FCMR: variants seen among roughly 807,000 people sequenced by gnomAD.
FCMR encodes the protein Fc mu receptor.
FCMR carries 34 observed loss-of-function variants against 41.6 expected under a neutral mutation model. That is an observed-to-expected ratio of 0.82 (90% confidence interval 0.62 to 1.09). The LOEUF (loss-of-function observed/expected upper bound fraction) is 1.09, where lower values mean the gene tolerates loss of function less well. Ranked by LOEUF, FCMR falls within the 50% of genes least tolerant of loss-of-function variation. FCMR has a pLI of 0.00. For synonymous variants in FCMR, 209 were observed against 211.8 expected (o/e 0.99, Z 0.12); for missense variants, 496 against 512.5 (o/e 0.97, Z 0.31).
intron 1 of FCMR, among the ~76,000 whole-genome samples, chr1:206,920,497 C>T (rs1446645867): frequency 2.0e-5 from 3 of 149,060 alleles, no homozygotes; most frequent in African/African-American, 7.4e-5. Flanking sequence ...AAGGGTGTTC[C>T]TGGCAGAAGG....
chr1:206,918,702 C>T (rs1200186899), intron 1 of FCMR, among the ~76,000 whole-genome samples: 5 of 149,228 alleles, frequency 3.4e-5, no homozygotes, highest in Non-Finnish European at 6.0e-5. Flanking sequence ...CATGCTGGGT[C>T]CCAGCATCAA....
chr1:206,910,238 C>A lies in FCMR; in HGVS notation c.813G>T (p.Val271=). ...GLFLLALLGL[V]VKRAVERRKA... ...TCCTCCTTTCAACGGCCCTTTTCAC[C>A]ACCAGCCCCAGAAGTGCCAGCAGGA... The change falls in exon 5 of 8, where the codon GTG becomes GTT. Residue 271 remains valine (V), a synonymous_variant. Coordinates refer to ENST00000367091, the MANE Select transcript of FCMR (RefSeq NM_005449.5). 1.2e-6 allele frequency: 2 copies of A among 1,601,948 alleles called. No individual in the cohort carries two copies. The highest frequency in any genetic ancestry group is 8.5e-7 in the Non-Finnish European group (1 of 1,175,072).
chr1:206,920,616 A>G (rs1679396674), intron 1 of FCMR, among the ~76,000 whole-genome samples: 1 of 152,138 alleles, frequency 6.6e-6, no homozygotes, highest in Non-Finnish European at 1.5e-5. Flanking sequence ...GGCTCAGAGT[A>G]TGAAAGGGGA....
At position 206,913,662 on chromosome 1, in the gene FCMR, G is replaced by C. The variant is rs529629172; in HGVS notation, c.373+97C>G. The C allele has an allele frequency of 5.7e-4, 518 of 912,992 alleles. 4 individuals carry two copies. Among genetic ancestry groups the C allele is most frequent in the Admixed American group, 1.9e-4 (10 of 51,874 alleles). 56.6% of individuals were successfully genotyped at this position (912,992 alleles called of 1,614,324 possible). A position where few individuals can be genotyped will look rare whatever the true frequency, so the allele number is the denominator to read the frequency against. ...TGTGGCTTATATGGCAACAGTGTAAGAGTCTAGGAGACTGTTACAGTTAGA... is the reference window on the plus strand; with the variant it reads ...TGTGGCTTATATGGCAACAGTGTAACAGTCTAGGAGACTGTTACAGTTAGA... On this transcript the variant is annotated intron_variant, in intron 2 of 7. Transcript: ENST00000367091.
At chr1:206,907,639 G>T in intron 7 of FCMR, 1 of 760,152 alleles carries the variant, frequency 1.3e-6, no homozygotes, top group African/African-American at 1.7e-5. Context: ...TGCAGGTCCT[G>T]GTGCTTGATG....
chr1:206,909,519 G>C lies in FCMR; in HGVS notation c.987C>G (p.Gly329=). Residue 329 remains glycine (G), a splice_region_variant and synonymous_variant, in exon 7 of 8, where the codon GGC becomes GGG. Transcript: ENST00000367091. The surrounding 1 kb of genome is among the most constrained non-coding windows in gnomAD (Gnocchi z 5.0). ...GGCCGGGAACGGGGGCCTCCCCTGT[G>C]CCTAGGGAACAGCGAGGGCGAGGTG... is the stretch of plus-strand genomic sequence containing the variant. ...PRRARGADAA[G]TGEAPVPGPG... 7.6e-7 allele frequency: 1 copy of C among 1,324,406 alleles called. No homozygotes were observed. Among genetic ancestry groups the C allele is most frequent in the East Asian group, 3.1e-5 (1 of 31,950 alleles). 82.0% of individuals were successfully genotyped at this position (1,324,406 alleles called of 1,614,324 possible).
chr1:206,911,830 A>C lies in FCMR; in HGVS notation c.610T>G (p.Phe204Val). The C allele has an allele frequency of 5.6e-6, 9 of 1,612,126 alleles. No individual in the cohort carries two copies. The highest frequency in any genetic ancestry group is 7.6e-6 in the Non-Finnish European group (9 of 1,179,210). ...TTTGAGGCTGTAGTGGATGGCAGGA[A>C]GGTTCGGGGCTTGTCACCTGCTACT... ...SSVAGDKPRTFLPSTTASKIS... is the reference protein window; with the variant it reads ...SSVAGDKPRTVLPSTTASKIS... The change falls in exon 4 of 8, where the codon TTC becomes GTC. Residue 204 changes from phenylalanine (F) to valine (V), a missense_variant. Coordinates refer to ENST00000367091, the MANE Select transcript of FCMR (RefSeq NM_005449.5).
chr1:206,908,124 G>A, intron 7 of FCMR: 9 of 1,269,228 alleles, frequency 7.1e-6, no homozygotes, highest in South Asian at 1.2e-5. Context: ...TCCACTACAG[G>A]AAGAAGAAAC....
intron 7 of FCMR, chr1:206,908,236 T>A (rs1337259802): frequency 7.6e-7 from 1 of 1,323,096 alleles, no homozygotes; most frequent in Non-Finnish European, 1.1e-6. Context: ...CTGAGCCCAA[T>A]AAAGACTGTT....
At chr1:206,921,022 T>C (rs1285036615) in intron 1 of FCMR, among the ~76,000 whole-genome samples, 3 of 30,818 alleles carry the variant, frequency 9.7e-5, no homozygotes, top group Admixed American at 5.9e-4. Flanking sequence ...CAATGAAGAA[T>C]TGAGGTAAGG....
At chr1:206,917,926 C>A in intron 1 of FCMR, 1 of 403,106 alleles carries the variant, frequency 2.5e-6, no homozygotes, top group Non-Finnish European at 4.8e-6. Flanking sequence ...CTTTGCCCAT[C>A]TTTAGAAATC....
chr1:206,919,190 G>T (rs1679327884), intron 1 of FCMR, among the ~76,000 whole-genome samples: 1 of 152,088 alleles, frequency 6.6e-6, no homozygotes. Context: ...GCCGCCCATG[G>T]CCACCTTTTA....
intron 7 of FCMR, among the ~76,000 whole-genome samples, chr1:206,908,772 A>G (rs1572618890): frequency 1.3e-5 from 2 of 152,276 alleles, no homozygotes; most frequent in Non-Finnish European, 2.9e-5. Flanking sequence ...AAAAAGCTTT[A>G]TTCTGGGCTC....
rs1446909557 is a variant in FCMR at position 206,910,259 on chromosome 1, C to T, written c.792G>A (p.Leu264=). Residue 264 remains leucine, a synonymous_variant, in exon 5 of 8, where the codon CTG becomes CTA. Transcript: ENST00000367091. ...TCACCACCAGCCCCAGAAGTGCCAG[C>T]AGGAAAAGGCCCAGGATGGTCGGGA... ...ILIPTILGLF[L]LALLGLVVKR... 1 of 1,589,362 alleles carries T rather than the reference C, an allele frequency of 6.3e-7. No homozygotes were observed. Among genetic ancestry groups the T allele is most frequent in the Non-Finnish European group, 8.6e-7 (1 of 1,168,154 alleles).
In FCMR at chr1:206,903,341, G is replaced by T; in HGVS notation, c.*1678C>A. ...ATTTCAACTGAAGTTCTATTTATTT[G>T]TGAGACTGTAAGTTACATGAAGGCA... On this transcript the variant is annotated 3_prime_UTR_variant, in exon 8 of 8. Transcript: ENST00000367091. 2.8e-6 allele frequency: 1 copy of T among 350,892 alleles called. No homozygotes were observed. The highest frequency in any genetic ancestry group is 3.7e-5 in the South Asian group (1 of 26,886). The allele number at this position is 350,892 out of a possible 1,614,324, so 21.7% of individuals were successfully genotyped here.
At chr1:206,916,753 G>T (rs1422921277) in intron 1 of FCMR, among the ~76,000 whole-genome samples, 1 of 152,236 alleles carries the variant, frequency 6.6e-6, no homozygotes, top group African/African-American at 2.4e-5. Flanking sequence ...GACATCTAAA[G>T]TAGCACAGTG....
rs373102967 is a variant in FCMR at position 206,912,572 on chromosome 1, C to T, written c.487+357G>A. Among the ~76,000 whole-genome samples the T allele has an allele frequency of 3.9e-5, 6 of 152,300 alleles. No homozygotes were observed. In the South Asian group the frequency reaches 1.2e-3, roughly 32 times the overall value. On this transcript the variant is annotated intron_variant, in intron 3 of 7. Transcript: ENST00000367091. ...GTAGAAGACAGCCCTACGGGAAGCA[C>T]GAGACATGATGATCTCCAGCTGGGA...
At position 206,909,361 on chromosome 1, in the gene FCMR, C is replaced by CGCGGCG; in HGVS notation, c.1044+95_1044+100dup. On this transcript the variant is annotated intron_variant, in intron 7 of 7. Coordinates refer to ENST00000367091, the MANE Select transcript of FCMR (RefSeq NM_005449.5). This position sits in a 1 kb window ranked among gnomAD's most constrained non-coding sequence, Gnocchi z 5.0. ...CTGCTGGGAAACCCGCTCTCCGGAT[C>CGCGGCG]GCGGCGGCGGCGGCGCGGGAAGCCA... The CGCGGCG allele has an allele frequency of 1.7e-6, 1 of 597,566 alleles. No homozygotes were observed. The highest frequency in any genetic ancestry group is 2.5e-6 in the Non-Finnish European group (1 of 407,556). The allele number at this position is 597,566 out of a possible 1,614,324, so 37.0% of individuals were successfully genotyped here.
chr1:206,919,545 G>A (rs1406519622), intron 1 of FCMR, among the ~76,000 whole-genome samples: 3 of 152,132 alleles, frequency 2.0e-5, no homozygotes, highest in African/African-American at 7.2e-5. Flanking sequence ...GCAGTGAGTC[G>A]TGATCACACC....
Sources: allele counts gnomAD v4.1 joint callset (sites outside exome capture counted in the v4.1 genomes callset), GRCh38; gene constraint gnomAD v4.1.1; non-coding constraint Gnocchi (gnomAD v3.1); transcripts MANE v1.5; gene names NCBI Gene and HGNC (gene_info 2026-07-23, HGNC 2026-07-21).